The following SLC36A2 variants were observed in gnomAD, a reference collection of about 807,000 sequenced individuals.
SLC36A2 encodes the protein solute carrier family 36 member 2, also known as proton-coupled amino acid transporter 2.
In SLC36A2, 39 loss-of-function variants were observed where a neutral mutation model predicts 42.7. The ratio of observed to expected loss-of-function variants is 0.91; its 90% CI spans 0.71 to 1.19. The LOEUF (loss-of-function observed/expected upper bound fraction) is 1.19, where lower values mean the gene tolerates loss of function less well. Ranked by LOEUF, SLC36A2 falls within the 50% of genes most tolerant of loss-of-function variation. The probability of loss-of-function intolerance (pLI) is 0.00; values close to 1 mark genes in which losing one functional copy is unlikely to be tolerated. For synonymous variants in SLC36A2, 237 were observed against 240.8 expected, an observed-to-expected ratio of 0.98 and a Z score of 0.15; for missense variants, 590 against 613.7, an observed-to-expected ratio of 0.96 and a Z score of 0.41.
chr5:151,327,514 T>C (rs1430014693), intron 7 of SLC36A2, among the ~76,000 whole-genome samples: 1 of 152,254 alleles, frequency 6.6e-6, no homozygotes, highest in Non-Finnish European at 1.5e-5. Flanking sequence ...ATTTGGAAGA[T>C]GCTTGAGGGC....
chr5:151,344,251 T>G lies in SLC36A2; in HGVS notation c.181A>C (p.Ile61Leu). 1 of 1,613,860 alleles carries G rather than the reference T, an allele frequency of 6.2e-7. No individual in the cohort carries two copies. The highest frequency in any genetic ancestry group is 8.5e-7 in the Non-Finnish European group (1 of 1,179,858). The change falls in exon 2 of 10, where the codon ATT becomes CTT. Residue 61 changes from isoleucine to leucine, a missense_variant. Ile to Leu is a conservative substitution (Grantham distance 5). Transcript: ENST00000335244. ...TKGITVFQAL[I>L]HLVKGNMGTG... ...CCCATGTTGCCTTTCACCAGGTGAA[T>G]CAAGGCCTGGAACACTCTAAAGGAG... is the stretch of plus-strand genomic sequence containing the variant.
Position 151,335,461 on chromosome 5 carries a change from G to A in SLC36A2, c.612C>T (p.Tyr204=), listed in dbSNP as rs1223542214. Residue 204 remains tyrosine (Y), a synonymous_variant, in exon 6 of 10, where the codon TAC becomes TAT. Transcript: ENST00000335244. ...ILTPTMDSRL[Y]MLSFLPFLVL... ...CCAGGAAGGGCAGGAAGGAGAGCAT[G>A]TAGAGTCGCGAGTCCATGGTGGGGG... The A allele has an allele frequency of 2.7e-5, 44 of 1,614,162 alleles. No individual in the cohort carries two copies. The highest frequency in any genetic ancestry group is 3.6e-5 in the Non-Finnish European group (42 of 1,179,998).
At position 151,316,763 on chromosome 5, in the gene SLC36A2, A is replaced by AAGT; in HGVS notation, c.*53_*54insACT. 6.7e-7 allele frequency: 1 copy of AAGT among 1,490,262 alleles called. No individual in the cohort carries two copies. Among genetic ancestry groups the AAGT allele is most frequent in the African/African-American group, 1.7e-5 (1 of 60,104 alleles). The allele number at this position is 1,490,262 out of a possible 1,614,324, so 92.3% of individuals were successfully genotyped here. ...CTCAAAAAAAAAAAAAAAAAAAAAA[A>AAGT]GAGATCCATATAATTAAAAGTCGGG... On this transcript the variant is annotated 3_prime_UTR_variant, in exon 10 of 10. Transcript: ENST00000335244.
chr5:151,319,993 G>A (rs187369605), intron 9 of SLC36A2, among the ~76,000 whole-genome samples: 35 of 152,122 alleles, frequency 2.3e-4, no homozygotes, highest in South Asian at 4.2e-4. Flanking sequence ...ATCGTATTTC[G>A]TAGAAATTTA....
intron 5 of SLC36A2, among the ~76,000 whole-genome samples, chr5:151,335,818 C>T (rs1756139792): frequency 6.6e-6 from 1 of 152,100 alleles, no homozygotes; most frequent in Admixed American, 6.5e-5. Context: ...CATTTGAGGT[C>T]AGAAGTTCGA....
Position 151,316,483 on chromosome 5 carries a change from G to A in SLC36A2, c.*334C>T, listed in dbSNP as rs1202231310. 9.8e-6 allele frequency: 3 copies of A among 306,530 alleles called. No homozygotes were observed. The highest frequency in any genetic ancestry group is 4.3e-5 in the African/African-American group (2 of 46,054). 19.0% of individuals were successfully genotyped at this position (306,530 alleles called of 1,614,324 possible). ...TGGCCAGGCGAGGTGGCTCACGCCTGTGATCCCAGCATTTTGGGAGGCCGG... is the reference window on the plus strand; with the variant it reads ...TGGCCAGGCGAGGTGGCTCACGCCTATGATCCCAGCATTTTGGGAGGCCGG... On this transcript the variant is annotated 3_prime_UTR_variant, in exon 10 of 10. Transcript: ENST00000335244.
At position 151,339,075 on chromosome 5, in the gene SLC36A2, A is replaced by C; in HGVS notation, c.510T>G (p.Ala170=). 6.2e-7 allele frequency: 1 copy of C among 1,610,102 alleles called. No individual in the cohort carries two copies. Residue 170 remains alanine, a synonymous_variant, in exon 5 of 10, where the codon GCT becomes GCG. Coordinates refer to ENST00000335244, the MANE Select transcript of SLC36A2 (RefSeq NM_181776.3). ...AAGCCTCTACCTGTTTTAAATTATC[A>C]GCCAAAAACACAATGTACACACAGC... ...GFCCVYIVFL[A]DNLKQVVEAV...
At chr5:151,318,749 A>G (rs938081016) in intron 9 of SLC36A2, among the ~76,000 whole-genome samples, 1 of 151,906 alleles carries the variant, frequency 6.6e-6, no homozygotes, top group Non-Finnish European at 1.5e-5. Context: ...GTTGGAAGAA[A>G]ATCCGGGAGG....
rs768209798 is a variant in SLC36A2 at position 151,335,372 on chromosome 5, C to G, written c.701G>C (p.Ser234Thr). The G allele has an allele frequency of 3.7e-5, 60 of 1,613,956 alleles. No homozygotes were observed. The Admixed American group carries it at 9.3e-4, about 25-fold the overall frequency. ...LTIFSMLANI[S>T]MLVSLVIIIQ... ...GATGATGACCAAGCTGACCAGCATG[C>G]TGATGTTGGCCAGCATGGAGAAGAT... is the stretch of plus-strand genomic sequence containing the variant. Residue 234 changes from serine to threonine, a missense_variant, in exon 6 of 10, where the codon AGC becomes ACC. Coordinates refer to ENST00000335244, the MANE Select transcript of SLC36A2 (RefSeq NM_181776.3).
At chr5:151,317,268 A>G (rs1755527753) in intron 9 of SLC36A2, among the ~76,000 whole-genome samples, 180 bp from the exon 10 acceptor site, 1 of 152,108 alleles carries the variant, frequency 6.6e-6, no homozygotes, top group South Asian at 2.1e-4. Context: ...CCTGTCCAAC[A>G]TAGTGAAATC....
chr5:151,330,261 T>G (rs568580799), intron 7 of SLC36A2, among the ~76,000 whole-genome samples: 2 of 152,236 alleles, frequency 1.3e-5, no homozygotes, highest in Admixed American at 1.3e-4. Flanking sequence ...TTAAATATAA[T>G]ACAGTATAAC....
chr5:151,322,154 A>C lies in SLC36A2; in HGVS notation c.1072T>G (p.Phe358Val), dbSNP rs1435110966. 2 of 1,614,176 alleles carry C rather than the reference A, an allele frequency of 1.2e-6. No individual in the cohort carries two copies. The highest frequency in any genetic ancestry group is 2.2e-5 in the South Asian group (2 of 91,086). ...AGILCTYALQFYVPAEIIIPF... is the reference protein window; with the variant it reads ...AGILCTYALQVYVPAEIIIPF... ...ATGATGATTTCTGCAGGGACGTAGA[A>C]CTGCAGGGCATAGGTGCACAGGATG... The change falls in exon 9 of 10, where the codon TTC becomes GTC. Residue 358 changes from phenylalanine (F) to valine (V), a missense_variant. Transcript: ENST00000335244.
chr5:151,340,060 G>C (rs1447620894), intron 4 of SLC36A2, among the ~76,000 whole-genome samples: 3 of 151,708 alleles, frequency 2.0e-5, no homozygotes, highest in African/African-American at 7.3e-5. Flanking sequence ...GGGACAAAGA[G>C]AGAGAGAAAA....
Position 151,325,403 on chromosome 5 carries a change from A to T in SLC36A2, c.893T>A (p.Ile298Asn), listed in dbSNP as rs1327133879. 1 of 1,614,206 alleles carries T rather than the reference A, an allele frequency of 6.2e-7. No individual in the cohort carries two copies. The stretch of plus-strand genomic sequence containing the variant: ...GACGATGGACATTCCCAAAGACAGG[A>T]TGGCTGGGAAGTGGCGGGCATTCTT... ...KMKNARHFPA[I>N]LSLGMSIVTS... Residue 298 changes from isoleucine (I) to asparagine (N), a missense_variant, in exon 8 of 10, where the codon ATC becomes AAC. Coordinates refer to ENST00000335244, the MANE Select transcript of SLC36A2 (RefSeq NM_181776.3).
At chr5:151,341,401 G>A (rs1213129449) in intron 4 of SLC36A2, among the ~76,000 whole-genome samples, 1 of 152,152 alleles carries the variant, frequency 6.6e-6, no homozygotes, top group African/African-American at 2.4e-5. Context: ...ATACCATACA[G>A]ACTACCTGCC....
intron 3 of SLC36A2, among the ~76,000 whole-genome samples, chr5:151,343,265 C>A (rs1756398631): frequency 6.6e-6 from 1 of 152,194 alleles, no homozygotes; most frequent in South Asian, 2.1e-4. Context: ...TGACCATTCT[C>A]TGCATAGTTT....
intron 4 of SLC36A2, among the ~76,000 whole-genome samples, chr5:151,342,553 G>A (rs564533588): frequency 6.6e-6 from 1 of 152,194 alleles, no homozygotes. Flanking sequence ...TTTAATGTCT[G>A]CCTTTCTCAC....
chr5:151,328,506 TGAA>T (rs1465331013), intron 7 of SLC36A2, among the ~76,000 whole-genome samples: 1 of 152,222 alleles, frequency 6.6e-6, no homozygotes, highest in Non-Finnish European at 1.5e-5. Flanking sequence ...CCCTGTGGGA[TGAA>T]GAGCGTGGAG....
chr5:151,329,269 G>A (rs1019340593), intron 7 of SLC36A2, among the ~76,000 whole-genome samples: 3 of 152,168 alleles, frequency 2.0e-5, no homozygotes, highest in African/African-American at 7.2e-5. Context: ...ACTGGATATT[G>A]GAACCATGGC....
Sources: allele counts gnomAD v4.1 joint callset (sites outside exome capture counted in the v4.1 genomes callset), GRCh38; gene constraint gnomAD v4.1.1; transcripts MANE v1.5; gene names NCBI Gene and HGNC (gene_info 2026-07-23, HGNC 2026-07-21).